The following CCDC50 variants were observed in gnomAD, a reference collection of about 807,000 sequenced individuals.
CCDC50 encodes coiled-coil domain containing 50.
Under a neutral mutation model 70.2 loss-of-function variants are expected in CCDC50, and 54 were observed. The observed-to-expected ratio is 0.77, with a 90% CI of 0.62 to 0.96. The LOEUF (loss-of-function observed/expected upper bound fraction) is 0.96, where lower values mean the gene tolerates loss of function less well. Ranked by LOEUF, CCDC50 falls within the 50% of genes least tolerant of loss-of-function variation. The pLI is 0.00. For missense variants in CCDC50, 558 were observed against 578.7 expected (o/e 0.96, Z 0.37); for synonymous variants, 216 against 198.8 (o/e 1.09, Z -0.73).
intron 1 of CCDC50, among the ~76,000 whole-genome samples, chr3:191,341,181 G>A (rs560507979): frequency 6.6e-6 from 1 of 152,270 alleles, no homozygotes; most frequent in Non-Finnish European, 1.5e-5. Context: ...ATGTTAATCA[G>A]TGACTTAGTG....
intron 4 of CCDC50, among the ~76,000 whole-genome samples, chr3:191,362,097 A>G (rs1419651322): frequency 7.2e-5 from 11 of 152,064 alleles, no homozygotes; most frequent in Non-Finnish European, 1.3e-4. Flanking sequence ...ACCATCAGCT[A>G]TTATTTCCTT....
At chr3:191,366,758 G>A (rs1712705457) in intron 4 of CCDC50, among the ~76,000 whole-genome samples, 2 of 151,900 alleles carry the variant, frequency 1.3e-5, no homozygotes, top group South Asian at 2.1e-4. Flanking sequence ...ATTGAAAGGT[G>A]TGTTTTTTTT....
At chr3:191,347,494 G>A (rs59855028) in intron 1 of CCDC50, among the ~76,000 whole-genome samples, 30,841 of 140,968 alleles carry the variant, frequency 0.22, 6,947 homozygotes, top group East Asian at 0.45. Flanking sequence ...AAATACATCC[G>A]TATGTATACA....
rs1037717932 is a variant in CCDC50, at chr3:191,375,182, A to G, written c.569A>G (p.Asn190Ser). The G allele has an allele frequency of 6.2e-7, 1 of 1,613,838 alleles. No homozygotes were observed. The highest frequency in any genetic ancestry group is 8.5e-7 in the Non-Finnish European group (1 of 1,179,816). Reference sequence around the variant, plus strand: ...GAGAAACCAGAACATCCACTGGAGAACTTGGAAGAGCCAGAACAACATTGT... The same window carrying G: ...GAGAAACCAGAACATCCACTGGAGAGCTTGGAAGAGCCAGAACAACATTGT... ...KKEKPEHPLE[N>S]LEEPEQHCSS... Residue 190 changes from asparagine (N) to serine (S), a missense_variant, in exon 6 of 12, where the codon AAC (asparagine) becomes AGC (serine). Physicochemically the swap from Asn to Ser is conservative, Grantham distance 46 (BLOSUM62 1). Transcript: ENST00000392455.
In CCDC50 at chr3:191,389,581, A is replaced by C; in HGVS notation, c.1408A>C (p.Lys470Gln). The change falls in exon 11 of 12, where the codon AAA becomes CAA. Residue 470 changes from lysine (K) to glutamine (Q), a missense_variant. By Grantham distance (53) the Lys-to-Gln change is moderately conservative. Transcript: ENST00000392455. Reference sequence around the variant, plus strand: ...GCAGAGTTCCACACGGCATTTCTCAAAATCAGAGTCCTCTCATAAAGGTAA... The same window carrying C: ...GCAGAGTTCCACACGGCATTTCTCACAATCAGAGTCCTCTCATAAAGGTAA... Reference protein sequence around the residue: ...NQQSSTRHFSKSESSHKGFHY... With the variant: ...NQQSSTRHFSQSESSHKGFHY... 1 of 1,613,516 alleles carries C rather than the reference A, an allele frequency of 6.2e-7. No homozygotes were observed. The highest frequency in any genetic ancestry group is 8.5e-7 in the Non-Finnish European group (1 of 1,179,452).
chr3:191,388,281 T>G (rs1713565433), intron 10 of CCDC50, among the ~76,000 whole-genome samples: 1 of 152,134 alleles, frequency 6.6e-6, no homozygotes, highest in Non-Finnish European at 1.5e-5. Context: ...ATACAGATGA[T>G]GCTGCTCCTG....
intron 5 of CCDC50, among the ~76,000 whole-genome samples, chr3:191,371,619 C>G (rs781633078): frequency 2.6e-5 from 4 of 152,148 alleles, no homozygotes; most frequent in Non-Finnish European, 4.4e-5. Flanking sequence ...GGGATTATTA[C>G]AGTTTGAGTA....
chr3:191,378,004 A>G (rs186064), intron 6 of CCDC50, among the ~76,000 whole-genome samples: 87,770 of 151,938 alleles, frequency 0.58, 27,034 homozygotes, highest in African/African-American at 0.81. Context: ...TGACGGCCTT[A>G]CACTGCACTG....
At chr3:191,359,244 G>A (rs1712401412) in intron 3 of CCDC50, among the ~76,000 whole-genome samples, 2 of 152,164 alleles carry the variant, frequency 1.3e-5, no homozygotes, top group Admixed American at 6.5e-5. Context: ...TTAATTAGAA[G>A]TTTATAGTGA....
At position 191,397,096 on chromosome 3, in the gene CCDC50, T is replaced by C. The variant is rs1198250412; in HGVS notation, c.*5336T>C. On this transcript the variant is annotated 3_prime_UTR_variant, in exon 12 of 12. Coordinates refer to ENST00000392455, the MANE Select transcript of CCDC50 (RefSeq NM_178335.3). ...CTGTTATTCATTGCTGAGGTTCATA[T>C]AAAGAATAGAAAAATTGAAAGATGG... The C allele has an allele frequency of 6.6e-6, 1 of 152,152 alleles. No homozygotes were observed. The highest frequency in any genetic ancestry group is 1.5e-5 in the Non-Finnish European group (1 of 68,014). The allele number at this position is 152,152 out of a possible 1,614,324, so 9.4% of individuals were successfully genotyped here.
intron 1 of CCDC50, among the ~76,000 whole-genome samples, chr3:191,331,783 C>G (rs900525881): frequency 6.6e-6 from 1 of 152,128 alleles, no homozygotes; most frequent in Non-Finnish European, 1.5e-5. Flanking sequence ...CCCAGTTACT[C>G]CCTAACAGTG....
chr3:191,383,465 A>T (rs1713390500), intron 10 of CCDC50, among the ~76,000 whole-genome samples: 1 of 151,886 alleles, frequency 6.6e-6, no homozygotes, highest in Admixed American at 6.6e-5. Context: ...AGAAAACATG[A>T]TTGGAATGTG....
chr3:191,370,359 C>T (rs886272856), intron 5 of CCDC50: 42 of 288,570 alleles, frequency 1.5e-4, no homozygotes, highest in Admixed American at 5.5e-4. Context: ...TGCTATCCCT[C>T]CCCCCTCCCC....
intron 9 of CCDC50, among the ~76,000 whole-genome samples, chr3:191,381,882 A>G (rs769190871): frequency 1.1e-4 from 17 of 152,140 alleles, no homozygotes; most frequent in Non-Finnish European, 1.8e-4. Flanking sequence ...TTGTGAGGAA[A>G]AAGGTGTAGA....
chr3:191,357,914 G>C, intron 2 of CCDC50, 84 bp from the exon 3 acceptor site: 1 of 1,554,544 alleles, frequency 6.4e-7, no homozygotes, highest in Non-Finnish European at 8.9e-7. Context: ...CTGTTGTTAT[G>C]GTAAAGCTCT....
chr3:191,358,508 G>C (rs1712371603), intron 3 of CCDC50, among the ~76,000 whole-genome samples: 1 of 152,140 alleles, frequency 6.6e-6, no homozygotes, highest in Non-Finnish European at 1.5e-5. Flanking sequence ...TTTATGGGTT[G>C]TATTGGTTCC....
chr3:191,334,621 T>C (rs1257299372), intron 1 of CCDC50, among the ~76,000 whole-genome samples: 2 of 152,158 alleles, frequency 1.3e-5, no homozygotes, highest in African/African-American at 4.8e-5. Context: ...TAGAAAAGTT[T>C]AGAACTGTGA....
At position 191,393,554 on chromosome 3, in the gene CCDC50, C is replaced by T. The variant is rs936806540; in HGVS notation, c.*1794C>T. The T allele has an allele frequency of 1.3e-5, 2 of 152,136 alleles. No individual in the cohort carries two copies. The highest frequency in any genetic ancestry group is 2.9e-5 in the Non-Finnish European group (2 of 68,020). 9.4% of individuals were successfully genotyped at this position (152,136 alleles called of 1,614,324 possible). A position where few individuals can be genotyped will look rare whatever the true frequency, so the allele number is the denominator to read the frequency against. On this transcript the variant is annotated 3_prime_UTR_variant, in exon 12 of 12. Transcript: ENST00000392455. ...TATATTATAGGAATTTAAGTAAAAT[C>T]ATCTGAGTTAAGTTTTGGGCAAATG... is the stretch of plus-strand genomic sequence containing the variant.
intron 1 of CCDC50, among the ~76,000 whole-genome samples, chr3:191,348,226 T>A (rs1328851030): frequency 7.1e-6 from 1 of 141,188 alleles, no homozygotes; most frequent in African/African-American, 2.5e-5. Flanking sequence ...GTTGGGTGCT[T>A]TGGGCAGATG....
Sources: gnomAD v4.1 joint callset for allele counts (sites outside exome capture counted in the v4.1 genomes callset) on GRCh38, gnomAD v4.1.1 for gene constraint, MANE v1.5 for transcripts, NCBI Gene and HGNC (gene_info 2026-07-23, HGNC 2026-07-21) for gene names.